TMEM221: variants seen among roughly 807,000 people sequenced by gnomAD.
TMEM221 encodes Putative transmembrane protein ENSP00000342162.
TMEM221 carries 11 observed loss-of-function variants against 10.2 expected under a neutral mutation model. The ratio of observed to expected loss-of-function variants is 1.08; its 90% CI spans 0.68 to 1.79. The LOEUF is 1.79. Among genes scored for constraint, TMEM221 ranks in the 40% most tolerant of loss-of-function variants. TMEM221 has a pLI of 0.00. For missense variants in TMEM221, 382 were observed against 417.7 expected (o/e 0.91, Z 0.75); for synonymous variants, 172 against 199.8 (o/e 0.86, Z 1.18).
intron 1 of TMEM221, among the ~76,000 whole-genome samples, chr19:17,445,796 A>G (rs1001314005): frequency 2.0e-5 from 3 of 151,194 alleles, no homozygotes; most frequent in Non-Finnish European, 4.4e-5. Context: ...TCACTTATCC[A>G]TCCATCAAAC....
At chr19:17,445,169 C>A (rs2074947869) in intron 2 of TMEM221, 30 bp downstream of exon 2, 9 of 1,524,938 alleles carry the variant, frequency 5.9e-6, no homozygotes, top group Non-Finnish European at 7.9e-6. Context: ...GCCCAGGGTC[C>A]CATGCCCCAC....
chr19:17,445,302 A>G lies in TMEM221; in HGVS notation c.321-18T>C. On this transcript the variant is annotated intron_variant, in intron 1 of 2. Coordinates refer to ENST00000341130, the MANE Select transcript of TMEM221 (RefSeq NM_001190844.2). ...AGTCAGACCTGGAATGAAGGGGAGC[A>G]GGAAGATAAAGGGTTCAGGAAGTGG... 6.5e-7 allele frequency: 1 copy of G among 1,526,948 alleles called. No individual in the cohort carries two copies. The highest frequency in any genetic ancestry group is 8.8e-7 in the Non-Finnish European group (1 of 1,138,756). The allele number at this position is 1,526,948 out of a possible 1,614,324, so 94.6% of individuals were successfully genotyped here.
Position 17,436,851 on chromosome 19 carries a change from G to A in TMEM221, c.483C>T (p.Thr161=). The change falls in exon 3 of 3, where the codon ACC becomes ACT. Residue 161 remains threonine (T), a synonymous_variant. Transcript: ENST00000341130. ...GGGTCAGCACAGCCACCAGAACCAG[G>A]GTGCCCGAGCCGAGGATGGAAGCAG... is the stretch of plus-strand genomic sequence containing the variant. The part of the protein sequence containing the change: ...AAAASILGSG[T]LVLVAVLTHT... 1 of 1,459,166 alleles carries A rather than the reference G, an allele frequency of 6.9e-7. No homozygotes were observed. Among genetic ancestry groups the A allele is most frequent in the Non-Finnish European group, 9.0e-7 (1 of 1,108,552 alleles). The allele number at this position is 1,459,166 out of a possible 1,614,324, so 90.4% of individuals were successfully genotyped here.
chr19:17,440,117 A>G (rs1020077120), intron 2 of TMEM221, among the ~76,000 whole-genome samples: 34 of 152,008 alleles, frequency 2.2e-4, no homozygotes, highest in Admixed American at 1.8e-3. Flanking sequence ...AGCCTAGGAC[A>G]TGGAGGCTGC....
rs2074961256 is a variant in TMEM221, at chr19:17,448,336, C to A, written c.127G>T (p.Gly43Trp). ...QLQAGRAELRGLRAEGLGQEL... is the reference protein window; with the variant it reads ...QLQAGRAELRWLRAEGLGQEL... ...TGGCCCAGCCCCTCGGCGCGCAGCC[C>A]CCGCAGCTCGGCGCGGCCCGCCTGC... Residue 43 changes from glycine to tryptophan, a missense_variant, in exon 1 of 3, where the codon GGG (glycine) becomes TGG (tryptophan). Transcript: ENST00000341130. This position sits in a 1 kb window ranked among gnomAD's most constrained non-coding sequence, Gnocchi z 4.7. 3.1e-6 allele frequency: 4 copies of A among 1,307,954 alleles called. No homozygotes were observed. Among genetic ancestry groups the A allele is most frequent in the Admixed American group, 3.9e-5 (1 of 25,880 alleles). 81.0% of individuals were successfully genotyped at this position (1,307,954 alleles called of 1,614,324 possible).
chr19:17,445,349 G>T (rs2074948891), intron 1 of TMEM221, 65 bp from the exon 2 acceptor site: 1 of 1,354,432 alleles, frequency 7.4e-7, no homozygotes, highest in Non-Finnish European at 1.0e-6. Context: ...GGAGGTCAGT[G>T]AGGACAGGGA....
In TMEM221 at chr19:17,436,612, G is replaced by A. The variant is rs184482815; in HGVS notation, c.722C>T (p.Ala241Val). ...GCTGCTCTCCCAGCCTCCCTCCAGG[G>A]CTGCAGGTGCTGTGGCAGTGGCCAT... is the stretch of plus-strand genomic sequence containing the variant. ...GSMATATAPA[A>V]LEGGWESSLP... Residue 241 changes from alanine (A) to valine (V), a missense_variant, in exon 3 of 3, where the codon GCC (alanine) becomes GTC (valine). Ala to Val is a moderately conservative substitution (Grantham distance 64). Transcript: ENST00000341130. 4.1e-3 allele frequency: 6,231 copies of A among 1,536,140 alleles called. 21 individuals are homozygous for A. The highest frequency in any genetic ancestry group is 4.4e-3 in the South Asian group (374 of 84,060).
Position 17,438,413 on chromosome 19 carries a change from G to A in TMEM221, c.407-1486C>T, listed in dbSNP as rs151056651. Among the ~76,000 whole-genome samples, 381 of 151,900 alleles carry A rather than the reference G, an allele frequency of 2.5e-3. 3 individuals carry two copies. Among genetic ancestry groups the A allele is most frequent in the African/African-American group, 8.6e-3 (356 of 41,458 alleles). ...TGATTTTTGTATTTTTAGTAGAAAC[G>A]GGGTTTCGCCTTGTTGCCCAGGCTG... On this transcript the variant is annotated intron_variant, in intron 2 of 2. Transcript: ENST00000341130.
chr19:17,445,500 A>G (rs2074949397), intron 1 of TMEM221, among the ~76,000 whole-genome samples: 1 of 152,098 alleles, frequency 6.6e-6, no homozygotes, highest in African/African-American at 2.4e-5. Flanking sequence ...CAATTCATCC[A>G]TCAGCTCATG....
chr19:17,439,995 C>T (rs1380078839), intron 2 of TMEM221, among the ~76,000 whole-genome samples: 2 of 152,064 alleles, frequency 1.3e-5, no homozygotes, highest in African/African-American at 2.4e-5. Context: ...TCGACGCCAG[C>T]TCAGGTGACA....
chr19:17,436,158 A>C lies in TMEM221; in HGVS notation c.*300T>G. The stretch of plus-strand genomic sequence containing the variant: ...ACATTTCCCAGCCTCCCCTGCAGCA[A>C]GGTATGGCCATTTCGCTCTGTTCTG... On this transcript the variant is annotated 3_prime_UTR_variant, in exon 3 of 3. Transcript: ENST00000341130. 7.2e-6 allele frequency: 2 copies of C among 276,602 alleles called. No homozygotes were observed. Among genetic ancestry groups the C allele is most frequent in the Non-Finnish European group, 6.7e-6 (1 of 148,236 alleles). 17.1% of individuals were successfully genotyped at this position (276,602 alleles called of 1,614,324 possible). A position where few individuals can be genotyped will look rare whatever the true frequency, so the allele number is the denominator to read the frequency against.
chr19:17,448,241 C>A lies in TMEM221; in HGVS notation c.222G>T (p.Leu74=), dbSNP rs1041422807. 66 of 1,315,958 alleles carry A rather than the reference C, an allele frequency of 5.0e-5. No individual in the cohort carries two copies. In the African/African-American group the frequency reaches 9.7e-4, roughly 19 times the overall value. The allele number at this position is 1,315,958 out of a possible 1,614,324, so 81.5% of individuals were successfully genotyped here. Reference sequence around the variant, plus strand: ...ACCCCAGCACGAGCACCAGCGCGGCCAGCGCGGCGGCCAGCGGCAGCAGCG... The same window carrying A: ...ACCCCAGCACGAGCACCAGCGCGGCAAGCGCGGCGGCCAGCGGCAGCAGCG... ...AGTLLPLAAA[L]AALVLVLGFT... is the part of the protein sequence containing the mutation. Residue 74 remains leucine, a synonymous_variant, in exon 1 of 3, where the codon CTG becomes CTT. Transcript: ENST00000341130. This position sits in a 1 kb window ranked among gnomAD's most constrained non-coding sequence, Gnocchi z 4.7.
At chr19:17,444,555 G>A (rs1389393822) in intron 2 of TMEM221, among the ~76,000 whole-genome samples, 2 of 113,828 alleles carry the variant, frequency 1.8e-5, no homozygotes, top group African/African-American at 3.6e-5. Context: ...ATAGGGTCTC[G>A]CTGTATCACC....
intron 2 of TMEM221, among the ~76,000 whole-genome samples, chr19:17,443,693 T>C (rs2074940907): frequency 1.3e-5 from 2 of 152,006 alleles, no homozygotes; most frequent in East Asian, 3.9e-4. Context: ...AAAACAGTAA[T>C]AGCAAATCCT....
rs115472007 is a variant in TMEM221 at position 17,444,952 on chromosome 19, C to T, written c.406+247G>A. 2.7e-3 allele frequency: 849 copies of T among 314,722 alleles called. 12 individuals carry two copies. The highest frequency in any genetic ancestry group is 0.017 in the African/African-American group (818 of 46,810). 19.5% of individuals were successfully genotyped at this position (314,722 alleles called of 1,614,324 possible). ...GAGCTACTATGCCTGGTCCTATGGGCTTTCATGAGGATTAAATCTCAGAAT... is the reference window on the plus strand; with the variant it reads ...GAGCTACTATGCCTGGTCCTATGGGTTTTCATGAGGATTAAATCTCAGAAT... On this transcript the variant is annotated intron_variant, in intron 2 of 2. Transcript: ENST00000341130.
intron 2 of TMEM221, among the ~76,000 whole-genome samples, chr19:17,444,172 C>G (rs536525185): frequency 6.7e-6 from 1 of 150,230 alleles, no homozygotes; most frequent in Non-Finnish European, 1.5e-5. Flanking sequence ...ACCTCTGCCC[C>G]CTGGTTCAAG....
intron 2 of TMEM221, 105 bp from the exon 3 acceptor site, chr19:17,437,032 A>G (rs1268995298): frequency 6.3e-6 from 5 of 788,226 alleles, no homozygotes; most frequent in Non-Finnish European, 9.2e-6. Context: ...GCCCTGCCAC[A>G]TGACAGGCAC....
intron 2 of TMEM221, among the ~76,000 whole-genome samples, chr19:17,437,914 CTTGTTCTTCT>C (rs1568396739): frequency 9.5e-5 from 13 of 137,232 alleles, no homozygotes; most frequent in African/African-American, 3.5e-4. Flanking sequence ...TGTTCTTGTT[CTTGTTCTTCT>C]TTTTTTTTTT....
chr19:17,436,279 A>AGGAGGTGAAGGCT lies in TMEM221; in HGVS notation c.*166_*178dup, dbSNP rs1216500207. On this transcript the variant is annotated 3_prime_UTR_variant, in exon 3 of 3. Coordinates refer to ENST00000341130, the MANE Select transcript of TMEM221 (RefSeq NM_001190844.2). ...TGGCCTCTGACTTTCCCTCAGAATG[A>AGGAGGTGAAGGCT]GGAGGTGAAGGCTGGAGCTCTGGCA... 2 of 603,944 alleles carry AGGAGGTGAAGGCT rather than the reference A, an allele frequency of 3.3e-6. No homozygotes were observed. The highest frequency in any genetic ancestry group is 5.5e-6 in the Non-Finnish European group (2 of 361,230). 37.4% of individuals were successfully genotyped at this position (603,944 alleles called of 1,614,324 possible).
Sources: gnomAD v4.1 joint callset for allele counts (sites outside exome capture counted in the v4.1 genomes callset) on GRCh38, gnomAD v4.1.1 for gene constraint, Gnocchi (gnomAD v3.1) non-coding constraint, MANE v1.5 for transcripts, NCBI Gene and HGNC (gene_info 2026-07-23, HGNC 2026-07-21) for gene names.